The following FAM110B variants were observed in gnomAD, a reference collection of about 807,000 sequenced individuals.
FAM110B encodes the protein family with sequence similarity 110 member B, also known as protein FAM110B.
FAM110B carries 6 observed loss-of-function variants against 20.4 expected under a neutral mutation model. That is an observed-to-expected ratio of 0.29 (90% confidence interval 0.16 to 0.58). The LOEUF (loss-of-function observed/expected upper bound fraction) is 0.58. Among genes scored for constraint, FAM110B ranks in the 20% least tolerant of loss-of-function variants. The probability of loss-of-function intolerance (pLI) is 0.90; values close to 1 mark genes in which losing one functional copy is unlikely to be tolerated. For missense variants in FAM110B, 434 were observed against 498.2 expected (o/e 0.87, Z 1.23); for synonymous variants, 226 against 214.1 (o/e 1.06, Z -0.49).
chr8:58,141,584 C>T (rs75925597), intron 3 of FAM110B, among the ~76,000 whole-genome samples: 3,185 of 152,308 alleles, frequency 0.021, 45 homozygotes, highest in Non-Finnish European at 0.033. Flanking sequence ...GGCCCTTGCT[C>T]TAACTCCAGT....
chr8:58,070,751 G>C (rs1053449263), intron 2 of FAM110B, among the ~76,000 whole-genome samples: 4 of 152,126 alleles, frequency 2.6e-5, no homozygotes, highest in African/African-American at 9.7e-5. Context: ...AATAATGAGC[G>C]ATCAGGAAGA....
At chr8:58,116,946 T>G (rs1807229648) in intron 3 of FAM110B, among the ~76,000 whole-genome samples, 1 of 152,124 alleles carries the variant, frequency 6.6e-6, no homozygotes, top group African/African-American at 2.4e-5. Flanking sequence ...CACACAGCAT[T>G]TGGGGGCTGC....
chr8:58,118,379 C>T (rs1208322777), intron 3 of FAM110B, among the ~76,000 whole-genome samples: 3 of 152,152 alleles, frequency 2.0e-5, no homozygotes, highest in Non-Finnish European at 4.4e-5. Flanking sequence ...TAGCCGCATT[C>T]CAGGACATTA....
chr8:58,103,142 T>G (rs1806824052), intron 3 of FAM110B, among the ~76,000 whole-genome samples: 1 of 152,134 alleles, frequency 6.6e-6, no homozygotes, highest in Non-Finnish European at 1.5e-5. Context: ...GAATGCAATA[T>G]GTACAGAAGG....
intron 2 of FAM110B, among the ~76,000 whole-genome samples, chr8:58,044,601 T>C (rs1805286360): frequency 6.6e-6 from 1 of 152,220 alleles, no homozygotes; most frequent in South Asian, 2.1e-4. Context: ...AGATGGACCT[T>C]AGTAGCCAGA....
intron 2 of FAM110B, among the ~76,000 whole-genome samples, chr8:58,046,134 T>G (rs1805315850): frequency 6.6e-6 from 1 of 152,184 alleles, no homozygotes; most frequent in African/African-American, 2.4e-5. Flanking sequence ...ATGATCTTAT[T>G]GTTAACATAA....
intron 3 of FAM110B, among the ~76,000 whole-genome samples, chr8:58,104,451 G>T (rs556912729): frequency 6.6e-5 from 10 of 151,850 alleles, no homozygotes; most frequent in South Asian, 2.1e-4. Context: ...GGAGGGAAAG[G>T]CTGGGAGTAA....
chr8:58,136,614 G>A (rs1162135601), intron 3 of FAM110B, among the ~76,000 whole-genome samples: 1 of 152,092 alleles, frequency 6.6e-6, no homozygotes, highest in Admixed American at 6.5e-5. Flanking sequence ...GTGATTCTTG[G>A]CACTGGTTAT....
intron 3 of FAM110B, among the ~76,000 whole-genome samples, chr8:58,125,930 A>G (rs1807491266): frequency 6.6e-6 from 1 of 152,198 alleles, no homozygotes; most frequent in South Asian, 2.1e-4. Context: ...TATGTCTTAT[A>G]TAATTATAGT....
chr8:57,998,842 C>A (rs764722939), intron 1 of FAM110B, among the ~76,000 whole-genome samples: 2 of 152,124 alleles, frequency 1.3e-5, no homozygotes, highest in African/African-American at 4.8e-5. Context: ...TTTAAAACAA[C>A]CTGAGTTTGT....
At chr8:58,063,332 G>A (rs1475798338) in intron 2 of FAM110B, among the ~76,000 whole-genome samples, 1 of 152,150 alleles carries the variant, frequency 6.6e-6, no homozygotes, top group African/African-American at 2.4e-5. Flanking sequence ...CAGACAGGTT[G>A]ACTATCTTTG....
rs547497283 is a variant in FAM110B, at chr8:57,997,401, T to C, written c.-512+2595T>C. The stretch of plus-strand genomic sequence containing the variant: ...CGCATTTTAGGTGCTAGACAAACAT[T>C]GCTTGTAAAAATATTATTATGAAAC... On this transcript the variant is annotated intron_variant, in intron 1 of 3. Coordinates refer to ENST00000519262, the MANE Select transcript of FAM110B (RefSeq NM_001377989.1). Among the ~76,000 whole-genome samples the C allele has an allele frequency of 1.3e-4, 20 of 152,340 alleles. 1 individual carries two copies. The South Asian group carries it at 4.1e-3, about 32-fold the overall frequency.
At chr8:58,080,288 GT>G (rs1806157452) in intron 3 of FAM110B, among the ~76,000 whole-genome samples, 1 of 152,196 alleles carries the variant, frequency 6.6e-6, no homozygotes, top group Non-Finnish European at 1.5e-5. Flanking sequence ...GAATGGAAAG[GT>G]TACAAGGAAA....
At chr8:58,021,390 T>G (rs1804750292) in intron 1 of FAM110B, among the ~76,000 whole-genome samples, 1 of 152,164 alleles carries the variant, frequency 6.6e-6, no homozygotes, top group African/African-American at 2.4e-5. Flanking sequence ...CATTGCTCTG[T>G]AGGACTTGCC....
intron 3 of FAM110B, among the ~76,000 whole-genome samples, chr8:58,083,910 G>A (rs901876308): frequency 6.6e-6 from 1 of 152,190 alleles, no homozygotes; most frequent in Admixed American, 6.5e-5. Flanking sequence ...TGAAGAAAAT[G>A]TGAGGAGATC....
chr8:58,127,095 G>A (rs1807527335), intron 3 of FAM110B, among the ~76,000 whole-genome samples: 1 of 152,178 alleles, frequency 6.6e-6, no homozygotes. Context: ...AAGGTATGAG[G>A]TCAACGTTTA....
intron 2 of FAM110B, among the ~76,000 whole-genome samples, chr8:58,054,652 C>A (rs1453359239): frequency 6.6e-6 from 1 of 152,142 alleles, no homozygotes; most frequent in Non-Finnish European, 1.5e-5. Flanking sequence ...TAGGTGGGAG[C>A]ATAGTCTTGG....
chr8:57,999,148 TAA>T (rs1396906613), intron 1 of FAM110B, among the ~76,000 whole-genome samples: 1 of 152,210 alleles, frequency 6.6e-6, no homozygotes, highest in Non-Finnish European at 1.5e-5. Flanking sequence ...TGTGGATGAT[TAA>T]ACAGTTTTAA....
intron 3 of FAM110B, among the ~76,000 whole-genome samples, chr8:58,101,593 C>T (rs986457665): frequency 6.6e-6 from 1 of 151,462 alleles, no homozygotes; most frequent in Non-Finnish European, 1.5e-5. Context: ...CATGATGCAT[C>T]GTCAATCAAA....
Sources: allele counts gnomAD v4.1 joint callset (sites outside exome capture counted in the v4.1 genomes callset), GRCh38; gene constraint gnomAD v4.1.1; transcripts MANE v1.5; gene names NCBI Gene and HGNC (gene_info 2026-07-23, HGNC 2026-07-21).